LIMS1: variants seen among roughly 807,000 people sequenced by gnomAD.
LIMS1 encodes the protein LIM and senescent cell antigen-like-containing domain protein 1.
A neutral mutation model predicts 44.1 loss-of-function variants in LIMS1; 18 were observed. The observed-to-expected ratio is 0.41, with a 90% CI of 0.28 to 0.61. LIMS1 has a LOEUF of 0.61. Among genes scored for constraint, LIMS1 ranks in the 20% least tolerant of loss-of-function variants. The pLI, the probability that LIMS1 is intolerant of heterozygous loss-of-function variation, is 0.32. For synonymous variants in LIMS1, 93 were observed against 149.1 expected (o/e 0.62, Z 2.74); for missense variants, 201 against 422.0 (o/e 0.48, Z 4.59).
chr2:108,585,330 A>G (rs1205681104), intron 1 of LIMS1, among the ~76,000 whole-genome samples: 1 of 152,052 alleles, frequency 6.6e-6, no homozygotes, highest in East Asian at 1.9e-4. Context: ...GGCTGGAGAC[A>G]GGGACTCCAT....
At chr2:108,675,415 G>T (rs1195811071) in intron 5 of LIMS1, among the ~76,000 whole-genome samples, 2 of 147,688 alleles carry the variant, frequency 1.4e-5, no homozygotes, top group African/African-American at 4.9e-5. Context: ...CCATCTGTGA[G>T]GGCAGAGCCT....
chr2:108,557,820 T>C (rs1268629883), intron 1 of LIMS1, among the ~76,000 whole-genome samples: 2 of 152,206 alleles, frequency 1.3e-5, no homozygotes, highest in African/African-American at 2.4e-5. Context: ...CCAGTTGGAA[T>C]TTTCTGTAAA....
At chr2:108,584,492 GTATC>G (rs534195467) in intron 1 of LIMS1, among the ~76,000 whole-genome samples, 1 of 151,836 alleles carries the variant, frequency 6.6e-6, no homozygotes, top group Non-Finnish European at 1.5e-5. Context: ...ACTTTATTAA[GTATC>G]TAGTGTGTCT....
chr2:108,569,687 C>G (rs971872458), intron 1 of LIMS1, among the ~76,000 whole-genome samples: 3 of 151,008 alleles, frequency 2.0e-5, no homozygotes, highest in Non-Finnish European at 2.9e-5. Context: ...GCATGAACAC[C>G]TAGGCTCAAG....
At chr2:108,619,833 G>A (rs1185262705) in intron 1 of LIMS1, among the ~76,000 whole-genome samples, 3 of 152,128 alleles carry the variant, frequency 2.0e-5, no homozygotes, top group East Asian at 1.9e-4. Flanking sequence ...AGTTCAGAAG[G>A]TGTAGAGTGG....
At chr2:108,557,610 A>G (rs1482528115) in intron 1 of LIMS1, among the ~76,000 whole-genome samples, 2 of 150,190 alleles carry the variant, frequency 1.3e-5, no homozygotes, top group East Asian at 4.0e-4. Context: ...TCTACCTCCC[A>G]TGTTCAAGCA....
chr2:108,602,745 T>G (rs1188716715), intron 1 of LIMS1, among the ~76,000 whole-genome samples: 1 of 152,136 alleles, frequency 6.6e-6, no homozygotes, highest in Non-Finnish European at 1.5e-5. Context: ...TCATCAGAGA[T>G]ATTGACCTGT....
intron 1 of LIMS1, among the ~76,000 whole-genome samples, chr2:108,581,069 T>G (rs1179904384): frequency 1.3e-5 from 2 of 152,158 alleles, no homozygotes; most frequent in East Asian, 3.8e-4. Context: ...TCCTTCTGCT[T>G]CCCTACCTTA....
At chr2:108,616,490 C>T (rs766138562) in intron 1 of LIMS1, among the ~76,000 whole-genome samples, 4 of 152,146 alleles carry the variant, frequency 2.6e-5, no homozygotes, top group East Asian at 1.9e-4. Flanking sequence ...GGATCCCAGG[C>T]GTGAGCCACC....
chr2:108,669,942 C>G (rs1359574961), intron 2 of LIMS1, among the ~76,000 whole-genome samples: 3 of 152,082 alleles, frequency 2.0e-5, no homozygotes, highest in Non-Finnish European at 4.4e-5. Context: ...ACTAATCATT[C>G]TAATGATAAT....
At chr2:108,550,339 CAAA>C (rs924076397) in intron 1 of LIMS1, among the ~76,000 whole-genome samples, 1 of 138,240 alleles carries the variant, frequency 7.2e-6, no homozygotes, top group African/African-American at 2.7e-5. Flanking sequence ...ACTATAAATA[CAAA>C]AAAAAAATTA....
intron 1 of LIMS1, among the ~76,000 whole-genome samples, chr2:108,629,209 G>A (rs1010708271): frequency 2.6e-5 from 4 of 152,318 alleles, no homozygotes; most frequent in East Asian, 1.9e-4. Flanking sequence ...GTATTCGTAT[G>A]CGTGGAACTA....
rs528843937 is a variant in LIMS1 at position 108,606,006 on chromosome 2, G to A, written c.33-53599G>A. Reference sequence around the variant, plus strand: ...CTGGGGGCCAGGCAGCGTGGCCCTCGGGCCCAAGTACCAGGTTCCTGCTGC... The same window carrying A: ...CTGGGGGCCAGGCAGCGTGGCCCTCAGGCCCAAGTACCAGGTTCCTGCTGC... On this transcript the variant is annotated intron_variant, in intron 1 of 9. Transcript: ENST00000544547. Among the ~76,000 whole-genome samples, 180 of 152,344 alleles carry A rather than the reference G, an allele frequency of 1.2e-3. 1 individual carries two copies. Among genetic ancestry groups the A allele is most frequent in the African/African-American group, 4.1e-3 (171 of 41,594 alleles).
At chr2:108,595,991 C>T (rs1686664116) in intron 1 of LIMS1, among the ~76,000 whole-genome samples, 1 of 152,098 alleles carries the variant, frequency 6.6e-6, no homozygotes. Flanking sequence ...GAAGTGGCCC[C>T]CTGAGAGCAA....
chr2:108,554,954 AG>A (rs1157423673), intron 1 of LIMS1, among the ~76,000 whole-genome samples: 1 of 152,188 alleles, frequency 6.6e-6, no homozygotes. Context: ...ATCCTCTGGG[AG>A]TTCATGTGCA....
chr2:108,578,657 G>C (rs1042564773), intron 1 of LIMS1, among the ~76,000 whole-genome samples: 2 of 136,786 alleles, frequency 1.5e-5, no homozygotes, highest in African/African-American at 5.4e-5. Context: ...GCAGTGGCAC[G>C]ATCTCAGCTC....
chr2:108,652,045 CACTT>C (rs1463760997), intron 1 of LIMS1, among the ~76,000 whole-genome samples: 4 of 142,828 alleles, frequency 2.8e-5, no homozygotes, highest in African/African-American at 1.1e-4. Flanking sequence ...CTACAAAAGA[CACTT>C]ACCACTTCAG....
intron 1 of LIMS1, among the ~76,000 whole-genome samples, chr2:108,641,320 G>A (rs1036048977): frequency 1.3e-5 from 2 of 152,178 alleles, no homozygotes; most frequent in African/African-American, 4.8e-5. Context: ...CTGCAACACC[G>A]AAGAGAGTCT....
At chr2:108,665,337 A>G (rs1306241133) in intron 2 of LIMS1, among the ~76,000 whole-genome samples, 1 of 152,102 alleles carries the variant, frequency 6.6e-6, no homozygotes, top group South Asian at 2.1e-4. Flanking sequence ...GGCAGTTGTA[A>G]CACAATGGTG....
Sources: allele counts gnomAD v4.1 joint callset (sites outside exome capture counted in the v4.1 genomes callset), GRCh38; gene constraint gnomAD v4.1.1; transcripts MANE v1.5; gene names NCBI Gene and HGNC (gene_info 2026-07-23, HGNC 2026-07-21).